The following PIEZO2 variants were observed in gnomAD, a reference collection of about 807,000 sequenced individuals.
The protein encoded by PIEZO2 is piezo-type mechanosensitive ion channel component 2.
In PIEZO2, 172 loss-of-function variants were observed where a neutral mutation model predicts 337.3. That is an observed-to-expected ratio of 0.51 (90% CI 0.45 to 0.58). The LOEUF (loss-of-function observed/expected upper bound fraction) is 0.58. Among genes scored for constraint, PIEZO2 ranks in the 20% least tolerant of loss-of-function variants. PIEZO2 has a pLI of 0.00. For missense variants in PIEZO2, 3,028 were observed against 3,391.3 expected (o/e 0.89, Z 2.66); for synonymous variants, 1,251 against 1,228.5 (o/e 1.02, Z -0.38).
intron 20 of PIEZO2, among the ~76,000 whole-genome samples, chr18:10,770,796 G>A (rs1416831387): frequency 2.2e-5 from 3 of 138,958 alleles, no homozygotes; most frequent in Non-Finnish European, 4.6e-5. Flanking sequence ...AGGCTAGAGT[G>A]CAGTGGCACA....
At chr18:10,771,159 TC>T (rs1223740415) in intron 20 of PIEZO2, among the ~76,000 whole-genome samples, 1 of 152,256 alleles carries the variant, frequency 6.6e-6, no homozygotes, top group Non-Finnish European at 1.5e-5. Flanking sequence ...ATGGCCTGTC[TC>T]CTTCGACAAG....
chr18:10,695,826 T>G (rs960697185), intron 47 of PIEZO2, among the ~76,000 whole-genome samples: 3 of 152,232 alleles, frequency 2.0e-5, no homozygotes, highest in African/African-American at 7.2e-5. Flanking sequence ...GTCACCGTTG[T>G]TATTTATAGA....
chr18:10,991,234 A>AC (rs1568273007), intron 2 of PIEZO2, among the ~76,000 whole-genome samples: 1 of 149,610 alleles, frequency 6.7e-6, no homozygotes, highest in African/African-American at 2.5e-5. Flanking sequence ...ACACACACAC[A>AC]TTTTTTTTTC....
At chr18:10,694,976 A>G (rs2035019482) in intron 47 of PIEZO2, among the ~76,000 whole-genome samples, 1 of 152,256 alleles carries the variant, frequency 6.6e-6, no homozygotes, top group South Asian at 2.1e-4. Context: ...CAGGCCAGTG[A>G]CGAAGAGTTA....
chr18:10,711,959 C>G (rs539246336), intron 39 of PIEZO2, among the ~76,000 whole-genome samples: 1 of 147,090 alleles, frequency 6.8e-6, no homozygotes, highest in African/African-American at 2.5e-5. Context: ...CAGTGGGATG[C>G]GTGTGAATGT....
At chr18:11,011,834 G>GGCC (rs2035913989) in intron 2 of PIEZO2, among the ~76,000 whole-genome samples, 4 of 152,236 alleles carry the variant, frequency 2.6e-5, no homozygotes, top group Admixed American at 2.6e-4. Context: ...AGAACCACAT[G>GGCC]ACCAGGTGCA....
intron 3 of PIEZO2, among the ~76,000 whole-genome samples, chr18:10,971,980 A>G (rs2034254583): frequency 6.6e-6 from 1 of 152,070 alleles, no homozygotes; most frequent in Non-Finnish European, 1.5e-5. Flanking sequence ...AACACTTTTA[A>G]GAGATATGGT....
At position 10,969,963 on chromosome 18, in the gene PIEZO2, T is replaced by C. The variant is rs2034168599; in HGVS notation, c.286+9572A>G. Among the ~76,000 whole-genome samples the C allele has an allele frequency of 1.3e-5, 2 of 152,166 alleles. No homozygotes were observed. The highest frequency in any genetic ancestry group is 2.9e-5 in the Non-Finnish European group (2 of 68,042). ...TTCATTCTTCAATTGTTGGGCAGTATGCTATACATCAGCCACTGTGGTCAG... is the reference window on the plus strand; with the variant it reads ...TTCATTCTTCAATTGTTGGGCAGTACGCTATACATCAGCCACTGTGGTCAG... On this transcript the variant is annotated intron_variant, in intron 3 of 55. Transcript: ENST00000674853. This position sits in a 1 kb window ranked among gnomAD's most constrained non-coding sequence, Gnocchi z 4.5.
At chr18:11,108,921 A>G (rs60441472) in intron 1 of PIEZO2, among the ~76,000 whole-genome samples, 5,051 of 152,304 alleles carry the variant, frequency 0.033, 279 homozygotes, top group African/African-American at 0.11. Context: ...TGTGGACTTC[A>G]TCCTGCACAG....
chr18:11,026,399 G>T (rs565909516), intron 2 of PIEZO2, among the ~76,000 whole-genome samples: 1 of 152,196 alleles, frequency 6.6e-6, no homozygotes, highest in Admixed American at 6.5e-5. Context: ...TTAGCCGTCT[G>T]CACCCTGACT....
At chr18:10,852,526 C>T (rs191712689) in intron 7 of PIEZO2, among the ~76,000 whole-genome samples, 2 of 152,322 alleles carry the variant, frequency 1.3e-5, no homozygotes, top group South Asian at 2.1e-4. Flanking sequence ...AGTTTTACCA[C>T]GGCCAAATTT....
chr18:10,873,423 C>T (rs1235296160), intron 4 of PIEZO2, among the ~76,000 whole-genome samples: 4 of 152,122 alleles, frequency 2.6e-5, no homozygotes, highest in East Asian at 1.9e-4. Context: ...TGCTTTCAAC[C>T]GCTTTCCCAT....
At chr18:10,904,453 C>T (rs1044933808) in intron 4 of PIEZO2, among the ~76,000 whole-genome samples, 1 of 152,176 alleles carries the variant, frequency 6.6e-6, no homozygotes, top group African/African-American at 2.4e-5. Flanking sequence ...CAGTCACTCT[C>T]CTTTCTTACG....
intron 1 of PIEZO2, among the ~76,000 whole-genome samples, chr18:11,088,173 G>C (rs1294303589): frequency 6.6e-6 from 1 of 152,148 alleles, no homozygotes; most frequent in East Asian, 1.9e-4. Context: ...CAGAGACTAT[G>C]GTCTATTCAT....
chr18:10,710,059 T>G (rs914301122), intron 39 of PIEZO2, among the ~76,000 whole-genome samples: 22 of 152,266 alleles, frequency 1.4e-4, no homozygotes, highest in African/African-American at 5.1e-4. Context: ...TTTATGTTTC[T>G]GAGATGAGGG....
At chr18:10,852,622 T>C (rs1419650293) in intron 7 of PIEZO2, among the ~76,000 whole-genome samples, 1 of 152,208 alleles carries the variant, frequency 6.6e-6, no homozygotes, top group Admixed American at 6.5e-5. Context: ...AACCACATTA[T>C]GATGTCTTGA....
Position 10,979,615 on chromosome 18 carries a change from GA to G in PIEZO2, c.205del (p.Ser69ProfsTer14), listed in dbSNP as rs1206802272. 6.5e-7 allele frequency: 1 copy of G among 1,535,986 alleles called. No homozygotes were observed. Among genetic ancestry groups the G allele is most frequent in the Non-Finnish European group, 8.7e-7 (1 of 1,146,086 alleles). On this transcript the variant is annotated frameshift_variant, in exon 3 of 56. Coordinates refer to ENST00000674853, the MANE Select transcript of PIEZO2 (RefSeq NM_001378183.1). LOFTEE classifies it high-confidence loss of function. The surrounding 1 kb of genome is among the most constrained non-coding windows in gnomAD (Gnocchi z 4.0). ...GAAAATGATGTGCAGCAACAGGAAG[GA>G]AAGACTGATGAAGCACAGAGACTTT... ...LLKSLCFISL[S>X]FLLLHIIFHI...
Position 10,830,634 on chromosome 18 carries a change from G to A in PIEZO2, c.918-23360C>T, listed in dbSNP as rs181740406. Among the ~76,000 whole-genome samples, 2 of 152,278 alleles carry A rather than the reference G, an allele frequency of 1.3e-5. No homozygotes were observed. Among genetic ancestry groups the A allele is most frequent in the East Asian group, 3.9e-4 (2 of 5,176 alleles). ...ATTGGTCTGGGCAAAGATTTCTTGG[G>A]TAATACCTGAAAAGCACAGACGACC... On this transcript the variant is annotated intron_variant, in intron 7 of 55. Coordinates refer to ENST00000674853, the MANE Select transcript of PIEZO2 (RefSeq NM_001378183.1). This position sits in a 1 kb window ranked among gnomAD's most constrained non-coding sequence, Gnocchi z 4.7.
chr18:10,817,612 G>C (rs929320728), intron 7 of PIEZO2, among the ~76,000 whole-genome samples: 3 of 152,132 alleles, frequency 2.0e-5, no homozygotes, highest in African/African-American at 7.2e-5. Flanking sequence ...GAACAAGACA[G>C]AAACATTCTT....
Sources: allele counts gnomAD v4.1 joint callset (sites outside exome capture counted in the v4.1 genomes callset), GRCh38; gene constraint gnomAD v4.1.1; non-coding constraint Gnocchi (gnomAD v3.1); transcripts MANE v1.5; gene names NCBI Gene and HGNC (gene_info 2026-07-23, HGNC 2026-07-21).